Variants in BRAF observed in about 807,000 individuals in gnomAD.
The protein encoded by BRAF is B-Raf proto-oncogene, serine/threonine kinase, also known as serine/threonine-protein kinase B-raf.
BRAF carries 16 observed loss-of-function variants against 104.6 expected under a neutral mutation model. That is an observed-to-expected ratio of 0.15 (90% CI 0.10 to 0.23). The LOEUF is 0.23. Ranked by LOEUF, BRAF falls within the 10% of genes least tolerant of loss-of-function variation. BRAF has a pLI of 1.00. For missense variants in BRAF, 541 were observed against 937.3 expected (o/e 0.58, Z 5.52); for synonymous variants, 310 against 341.6 (o/e 0.91, Z 1.02).
chr7:140,787,583 T>A lies in BRAF; in HGVS notation c.1142A>T (p.Asp381Val). 1 of 1,611,256 alleles carries A rather than the reference T, an allele frequency of 6.2e-7. No individual in the cohort carries two copies. Among genetic ancestry groups the A allele is most frequent in the Non-Finnish European group, 8.5e-7 (1 of 1,177,618 alleles). Residue 381 changes from aspartate to valine, a missense_variant and splice_region_variant, in exon 9 of 20, where the codon GAC becomes GTC. Coordinates refer to ENST00000644969, the MANE Select transcript of BRAF (RefSeq NM_001374258.1). ...INTIEPVNID[D>V]LIRDQGFRGD... Reference sequence around the variant, plus strand: ...ACGAAATCCTTGGTCTCTAATCAAGTCCTACAAATAAATAGTAATGTATAT... The same window carrying A: ...ACGAAATCCTTGGTCTCTAATCAAGACCTACAAATAAATAGTAATGTATAT...
At chr7:140,782,302 C>T (rs1039317235) in intron 11 of BRAF, among the ~76,000 whole-genome samples, 1 of 152,084 alleles carries the variant, frequency 6.6e-6, no homozygotes, top group African/African-American at 2.4e-5. Context: ...ATCTGGAAGA[C>T]TTTAAGGAGC....
chr7:140,837,361 AAT>A (rs1303702416), intron 2 of BRAF, among the ~76,000 whole-genome samples: 7 of 152,136 alleles, frequency 4.6e-5, no homozygotes, highest in Non-Finnish European at 5.9e-5. Context: ...CAACTTCTTA[AAT>A]GTCTATCTCA....
At chr7:140,898,102 G>A (rs1245255989) in intron 1 of BRAF, among the ~76,000 whole-genome samples, 1 of 152,138 alleles carries the variant, frequency 6.6e-6, no homozygotes, top group Non-Finnish European at 1.5e-5. Context: ...TTAGGCTGAG[G>A]CTAGAAGACT....
At chr7:140,902,270 T>C (rs1163218406) in intron 1 of BRAF, among the ~76,000 whole-genome samples, 3 of 152,262 alleles carry the variant, frequency 2.0e-5, no homozygotes, top group Admixed American at 1.3e-4. Flanking sequence ...GATGTTACTA[T>C]TGTAATTCTT....
Position 140,726,090 on chromosome 7 carries a change from A to C in BRAF, c.*404T>G. The C allele has an allele frequency of 1.8e-6, 2 of 1,086,484 alleles. No individual in the cohort carries two copies. The highest frequency in any genetic ancestry group is 2.2e-6 in the Non-Finnish European group (2 of 893,540). The allele number at this position is 1,086,484 out of a possible 1,614,324, so 67.3% of individuals were successfully genotyped here. ...GATGCTTGGTGATTGAAACTGCCCC[A>C]TCAGATGATCAGCCACAAATTGATC... On this transcript the variant is annotated 3_prime_UTR_variant, in exon 20 of 20. Coordinates refer to ENST00000644969, the MANE Select transcript of BRAF (RefSeq NM_001374258.1).
At chr7:140,922,796 A>G (rs1315240023) in intron 1 of BRAF, among the ~76,000 whole-genome samples, 1 of 152,236 alleles carries the variant, frequency 6.6e-6, no homozygotes, top group African/African-American at 2.4e-5. Context: ...TTTATAAATA[A>G]GAAGGAACGT....
At chr7:140,774,891 G>A (rs1800185434) in intron 14 of BRAF, among the ~76,000 whole-genome samples, 1 of 152,130 alleles carries the variant, frequency 6.6e-6, no homozygotes, top group African/African-American at 2.4e-5. Context: ...ATAATATGCA[G>A]TTGTGTGTAA....
chr7:140,858,596 T>C (rs1810058917), intron 1 of BRAF, among the ~76,000 whole-genome samples: 1 of 152,184 alleles, frequency 6.6e-6, no homozygotes, highest in Admixed American at 6.5e-5. Flanking sequence ...ATTCAGTGCA[T>C]GCAGAGTGGA....
At chr7:140,836,402 G>A (rs965997180) in intron 2 of BRAF, among the ~76,000 whole-genome samples, 4 of 152,096 alleles carry the variant, frequency 2.6e-5, no homozygotes, top group African/African-American at 4.8e-5. Context: ...ATAAAATGTA[G>A]AGGAGAATGA....
chr7:140,791,540 A>G (rs1159250918), intron 8 of BRAF, among the ~76,000 whole-genome samples: 1 of 152,176 alleles, frequency 6.6e-6, no homozygotes, highest in Non-Finnish European at 1.5e-5. Flanking sequence ...TTCAATTTAC[A>G]TATGCTCTTT....
At chr7:140,737,196 T>C (rs966145010) in intron 18 of BRAF, among the ~76,000 whole-genome samples, 1 of 152,216 alleles carries the variant, frequency 6.6e-6, no homozygotes, top group African/African-American at 2.4e-5. Flanking sequence ...TATATCTGAA[T>C]ACTTATGAAA....
At chr7:140,825,403 A>G (rs908759138) in intron 3 of BRAF, among the ~76,000 whole-genome samples, 2 of 152,194 alleles carry the variant, frequency 1.3e-5, no homozygotes, top group Non-Finnish European at 2.9e-5. Flanking sequence ...GAAGAGCAGA[A>G]GTTTTACATT....
At chr7:140,778,444 A>G (rs187042860) in intron 12 of BRAF, among the ~76,000 whole-genome samples, 13 of 152,308 alleles carry the variant, frequency 8.5e-5, no homozygotes, top group Non-Finnish European at 1.5e-4. Flanking sequence ...TGTTGAAACT[A>G]CAATTACCAG....
intron 2 of BRAF, among the ~76,000 whole-genome samples, chr7:140,842,724 A>G (rs1450883056): frequency 6.6e-6 from 1 of 152,204 alleles, no homozygotes; most frequent in East Asian, 1.9e-4. Flanking sequence ...GGTAGAAAAA[A>G]GGGAACCAAA....
chr7:140,737,862 T>C (rs571462341), intron 18 of BRAF, among the ~76,000 whole-genome samples: 1 of 152,364 alleles, frequency 6.6e-6, no homozygotes, highest in South Asian at 2.1e-4. Context: ...AAAGTTCACA[T>C]ATGCACTTCA....
intron 3 of BRAF, among the ~76,000 whole-genome samples, chr7:140,820,067 G>A (rs766082885): frequency 1.3e-5 from 2 of 151,904 alleles, no homozygotes; most frequent in South Asian, 4.2e-4. Flanking sequence ...CATCTTTTGG[G>A]GTAATCAGGT....
In BRAF at chr7:140,857,238, C is replaced by A. The variant is rs141521382; in HGVS notation, c.139-7026G>T. Among the ~76,000 whole-genome samples the A allele has an allele frequency of 2.6e-5, 4 of 152,320 alleles. No individual in the cohort carries two copies. The East Asian group carries it at 5.8e-4, about 22-fold the overall frequency. The stretch of plus-strand genomic sequence containing the variant: ...AGCAGAGAAAGATCTGAAGATGCTA[C>A]ACTGCTGACCTTGAAGATGGAGGAG... On this transcript the variant is annotated intron_variant, in intron 1 of 19. Coordinates refer to ENST00000644969, the MANE Select transcript of BRAF (RefSeq NM_001374258.1).
intron 1 of BRAF, among the ~76,000 whole-genome samples, chr7:140,909,845 C>A (rs6964917): frequency 0.091 from 13,363 of 146,804 alleles, 630 homozygotes; most frequent in South Asian, 0.2. Context: ...ACAACAACAA[C>A]AAAAAAGTGC....
chr7:140,788,687 C>T (rs1309388484), intron 8 of BRAF, among the ~76,000 whole-genome samples: 1 of 152,000 alleles, frequency 6.6e-6, no homozygotes, highest in Non-Finnish European at 1.5e-5. Context: ...CTCTTGGGTT[C>T]AAGTGATCCT....
Sources: allele counts gnomAD v4.1 joint callset (sites outside exome capture counted in the v4.1 genomes callset), GRCh38; gene constraint gnomAD v4.1.1; transcripts MANE v1.5; gene names NCBI Gene and HGNC (gene_info 2026-07-23, HGNC 2026-07-21).